SEC24B: variants seen among roughly 807,000 people sequenced by gnomAD.
The protein encoded by SEC24B is protein transport protein Sec24B.
In SEC24B, 45 loss-of-function variants were observed where a neutral mutation model predicts 142.8. The observed-to-expected ratio is 0.32, with a 90% CI of 0.25 to 0.40. SEC24B has a LOEUF of 0.40. Among genes scored for constraint, SEC24B ranks in the 10% least tolerant of loss-of-function variants. SEC24B has a pLI of 1.00. For missense variants in SEC24B, 1,409 were observed against 1,526.8 expected, an observed-to-expected ratio of 0.92 and a Z score of 1.29; for synonymous variants, 574 against 568.2, an observed-to-expected ratio of 1.01 and a Z score of -0.15.
chr4:109,532,750 AC>A lies in SEC24B; in HGVS notation c.3495+10del. 7.2e-7 allele frequency: 1 copy of A among 1,383,226 alleles called. No individual in the cohort carries two copies. The highest frequency in any genetic ancestry group is 1.0e-6 in the Non-Finnish European group (1 of 969,998). 85.7% of individuals were successfully genotyped at this position (1,383,226 alleles called of 1,614,324 possible). A position where few individuals can be genotyped will look rare whatever the true frequency, so the allele number is the denominator to read the frequency against. On this transcript the variant is annotated splice_region_variant and intron_variant, in intron 21 of 23. Coordinates refer to ENST00000265175, the MANE Select transcript of SEC24B (RefSeq NM_006323.5). ...CCTTATGGACTGTGGCTCTGTAAGC[AC>A]CCTTTACTGGCAAAGCTTAACACTG...
chr4:109,530,620 G>C (rs1357384994), intron 19 of SEC24B, among the ~76,000 whole-genome samples, 156 bp downstream of exon 19: 2 of 152,036 alleles, frequency 1.3e-5, no homozygotes, highest in Non-Finnish European at 2.9e-5. Context: ...AGATCAATGG[G>C]GCCATGCATG....
chr4:109,458,137 A>G (rs747657348), intron 1 of SEC24B, among the ~76,000 whole-genome samples: 21 of 151,732 alleles, frequency 1.4e-4, no homozygotes, highest in Admixed American at 4.6e-4. Context: ...TTCTTAACCA[A>G]TCTTCAAGGT....
At position 109,478,006 on chromosome 4, in the gene SEC24B, G is replaced by T. The variant is rs1048737708; in HGVS notation, c.1061-3671G>T. On this transcript the variant is annotated intron_variant, in intron 3 of 23. Transcript: ENST00000265175. The stretch of plus-strand genomic sequence containing the variant: ...TTGTTTTTAAAATAATTACAACTGG[G>T]CATGGTGGCTCACGCCTGTAATACC... Among the ~76,000 whole-genome samples, 272 of 152,236 alleles carry T rather than the reference G, an allele frequency of 1.8e-3. 3 individuals are homozygous for T. The highest frequency in any genetic ancestry group is 6.0e-4 in the Non-Finnish European group (41 of 68,022).
intron 6 of SEC24B, among the ~76,000 whole-genome samples, chr4:109,497,786 T>C (rs1254473754): frequency 6.6e-6 from 1 of 152,210 alleles, no homozygotes; most frequent in African/African-American, 2.4e-5. Flanking sequence ...TTTCTGTCCC[T>C]GTCTTTTAGT....
At chr4:109,533,760 C>G in intron 22 of SEC24B, 75 bp downstream of exon 22, 1 of 906,970 alleles carries the variant, frequency 1.1e-6, no homozygotes, top group South Asian at 1.4e-5. Flanking sequence ...ATGTAATATT[C>G]ACCATTTTAA....
At chr4:109,461,477 C>T (rs1731251113) in intron 1 of SEC24B, among the ~76,000 whole-genome samples, 1 of 152,082 alleles carries the variant, frequency 6.6e-6, no homozygotes, top group African/African-American at 2.4e-5. Context: ...TGTTATATCT[C>T]TACAATAAAG....
Position 109,462,953 on chromosome 4 carries a change from A to G in SEC24B, c.186A>G (p.Gln62=). ...QVPSGYGLHH[Q]NYIAPSGHYS... ...CATCTGGATATGGATTGCATCATCA[A>G]AACTATATTGCTCCCTCAGGACATT... The change falls in exon 2 of 24, where the codon CAA becomes CAG. Residue 62 remains glutamine, a synonymous_variant. Coordinates refer to ENST00000265175, the MANE Select transcript of SEC24B (RefSeq NM_006323.5). 1 of 1,613,360 alleles carries G rather than the reference A, an allele frequency of 6.2e-7. No homozygotes were observed. Among genetic ancestry groups the G allele is most frequent in the East Asian group, 2.2e-5 (1 of 44,888 alleles).
At chr4:109,491,798 G>A (rs1735046899) in intron 5 of SEC24B, among the ~76,000 whole-genome samples, 1 of 151,946 alleles carries the variant, frequency 6.6e-6, no homozygotes, top group Admixed American at 6.6e-5. Context: ...TCCCTCAATG[G>A]CTTCTGGCTG....
chr4:109,538,838 G>T (rs1254550959), intron 23 of SEC24B, among the ~76,000 whole-genome samples: 2 of 152,098 alleles, frequency 1.3e-5, no homozygotes, highest in Non-Finnish European at 2.9e-5. Context: ...CTGCAGTGCA[G>T]GGGTGCTGCT....
intron 6 of SEC24B, among the ~76,000 whole-genome samples, chr4:109,499,394 G>A (rs1338323474): frequency 6.6e-6 from 1 of 151,994 alleles, no homozygotes; most frequent in Non-Finnish European, 1.5e-5. Flanking sequence ...GTGCTTCTGT[G>A]ATCCCAGTTA....
At chr4:109,510,884 T>G (rs915290409) in intron 8 of SEC24B, among the ~76,000 whole-genome samples, 2 of 152,128 alleles carry the variant, frequency 1.3e-5, no homozygotes, top group Non-Finnish European at 2.9e-5. Flanking sequence ...AAAATATTGA[T>G]TGACTACCTG....
rs1408633373 is a variant in SEC24B at position 109,483,003 on chromosome 4, C to CACACACATAT, written c.1165+1223_1165+1224insCACACATATA. On this transcript the variant is annotated intron_variant, in intron 4 of 23. Coordinates refer to ENST00000265175, the MANE Select transcript of SEC24B (RefSeq NM_006323.5). Reference sequence around the variant, plus strand: ...ATACACACACACACACACACACACACATATTATACATATGTTTTTTATATA... The same window carrying CACACACATAT: ...ATACACACACACACACACACACACACACACACATATATATTATACATATGTTTTTTATATA... Among the ~76,000 whole-genome samples, 19 of 84,074 alleles carry CACACACATAT rather than the reference C, an allele frequency of 2.3e-4. 2 individuals carry two copies. Among genetic ancestry groups the CACACACATAT allele is most frequent in the African/African-American group, 1.1e-3 (14 of 12,200 alleles). The allele number at this position is 84,074 out of a possible 152,430, so 55.2% of individuals were successfully genotyped here.
At chr4:109,506,889 A>G (rs1018776301) in intron 7 of SEC24B, among the ~76,000 whole-genome samples, 1 of 152,228 alleles carries the variant, frequency 6.6e-6, no homozygotes, top group Non-Finnish European at 1.5e-5. Flanking sequence ...TGAAAAGAAC[A>G]TAGACCTCAC....
intron 6 of SEC24B, among the ~76,000 whole-genome samples, chr4:109,504,823 G>A (rs921016688): frequency 4.6e-5 from 7 of 151,990 alleles, no homozygotes; most frequent in African/African-American, 1.7e-4. Context: ...TTTCAGTATG[G>A]ATTGTTAAAT....
At chr4:109,485,091 G>C (rs760642679) in intron 4 of SEC24B, among the ~76,000 whole-genome samples, 21 of 151,980 alleles carry the variant, frequency 1.4e-4, no homozygotes. Flanking sequence ...TCACTTTCTA[G>C]CTTTGTGATA....
intron 14 of SEC24B, among the ~76,000 whole-genome samples, chr4:109,523,038 A>AT (rs996448311): frequency 8.0e-4 from 120 of 149,896 alleles, no homozygotes; most frequent in Middle Eastern, 7.0e-3. Flanking sequence ...TATTTGCACT[A>AT]TTTTTTTTTT....
intron 3 of SEC24B, among the ~76,000 whole-genome samples, chr4:109,476,176 G>A (rs376073415): frequency 4.6e-5 from 7 of 151,928 alleles, no homozygotes; most frequent in Admixed American, 2.0e-4. Context: ...TAGTAGAGAC[G>A]GGGTTTCACC....
chr4:109,478,419 GT>G (rs1354507278), intron 3 of SEC24B, among the ~76,000 whole-genome samples: 8 of 152,070 alleles, frequency 5.3e-5, no homozygotes. Context: ...CCAAAAACAT[GT>G]TTTTAAAGTT....
At chr4:109,506,264 T>A (rs1411568603) in intron 6 of SEC24B, 64 bp from the exon 7 acceptor site, 1 of 1,199,916 alleles carries the variant, frequency 8.3e-7, no homozygotes, top group Non-Finnish European at 1.1e-6. Context: ...AGATATGTAG[T>A]ATATATAAGA....
Sources: allele counts gnomAD v4.1 joint callset (sites outside exome capture counted in the v4.1 genomes callset), GRCh38; gene constraint gnomAD v4.1.1; transcripts MANE v1.5; gene names NCBI Gene and HGNC (gene_info 2026-07-23, HGNC 2026-07-21).